PRDM11: variants seen among roughly 807,000 people sequenced by gnomAD.
The protein encoded by PRDM11 is PR domain-containing protein 11.
In PRDM11, 20 loss-of-function variants were observed where a neutral mutation model predicts 97.8. The observed-to-expected ratio is 0.20, with a 90% CI of 0.14 to 0.30. The LOEUF is 0.30. Among genes scored for constraint, PRDM11 ranks in the 10% least tolerant of loss-of-function variants. The probability of loss-of-function intolerance (pLI) is 1.00; values close to 1 mark genes in which losing one functional copy is unlikely to be tolerated. For missense variants in PRDM11, 1,139 were observed against 1,555.2 expected (o/e 0.73, Z 4.50); for synonymous variants, 599 against 637.7 (o/e 0.94, Z 0.91).
chr11:45,145,710 G>C (rs991967735), upstream of PRDM11, among the ~76,000 whole-genome samples: 6 of 152,178 alleles, frequency 3.9e-5, no homozygotes, highest in African/African-American at 1.2e-4. Context: ...AGGACGCCAC[G>C]AGAAAGGGGT....
rs149698951 is a variant in PRDM11, at chr11:45,163,386, A to G, written c.-7+16509A>G. Among the ~76,000 whole-genome samples, 74 of 152,270 alleles carry G rather than the reference A, an allele frequency of 4.9e-4. No individual in the cohort carries two copies. In the East Asian group the frequency reaches 0.013, roughly 28 times the overall value. ...CTTGGACAAGGTCCCACAGGCATGG[A>G]GCGGGATTCCAGTGTGCCTCACCTA... On this transcript the variant is annotated intron_variant, in intron 1 of 7. Coordinates refer to ENST00000683152, the MANE Select transcript of PRDM11 (RefSeq NM_001384648.1).
intron 5 of PRDM11, chr11:45,213,618 G>C (rs111684874): frequency 2.2e-6 from 1 of 456,490 alleles, no homozygotes; most frequent in Non-Finnish European, 4.4e-6. Flanking sequence ...GGATGACGTC[G>C]GAGGAAGGAA....
At chr11:45,218,056 T>G (rs1854008280) in intron 5 of PRDM11, among the ~76,000 whole-genome samples, 1 of 152,222 alleles carries the variant, frequency 6.6e-6, no homozygotes, top group South Asian at 2.1e-4. Context: ...AACACCATTT[T>G]TCCATGTCAT....
chr11:45,181,760 G>A lies in PRDM11; in HGVS notation c.-6-1G>A. 3 of 1,612,218 alleles carry A rather than the reference G, an allele frequency of 1.9e-6. No homozygotes were observed. Among genetic ancestry groups the A allele is most frequent in the African/African-American group, 1.3e-5 (1 of 75,020 alleles). On this transcript the variant is annotated splice_acceptor_variant, in intron 1 of 7. Coordinates refer to ENST00000683152, the MANE Select transcript of PRDM11 (RefSeq NM_001384648.1). LOFTEE classifies it low-confidence loss of function (5UTR_SPLICE). ...TGCTGGTCCCACCTCCTGCGTCCCA[G>A]GACAGAATGACCGAGAACATGAAGG... is the stretch of plus-strand genomic sequence containing the variant.
intron 1 of PRDM11, among the ~76,000 whole-genome samples, chr11:45,108,786 C>T (rs1354809140): frequency 6.6e-6 from 1 of 152,236 alleles, no homozygotes; most frequent in Non-Finnish European, 1.5e-5. Context: ...CTTTCTCAGC[C>T]TGCCCCTGAA....
At chr11:45,154,470 C>T (rs373577280) in intron 1 of PRDM11, among the ~76,000 whole-genome samples, 17 of 152,292 alleles carry the variant, frequency 1.1e-4, no homozygotes, top group South Asian at 4.2e-4. Context: ...CAAACAGACC[C>T]GGAGCCTCCG....
At chr11:45,225,545 TG>T (rs1450565938) in intron 7 of PRDM11, among the ~76,000 whole-genome samples, 2 of 152,248 alleles carry the variant, frequency 1.3e-5, no homozygotes, top group Non-Finnish European at 2.9e-5. Flanking sequence ...AACTGCATTT[TG>T]ATCCTGAAAT....
At position 45,112,335 on chromosome 11, in the gene PRDM11, G is replaced by C. The variant is rs562525219; in HGVS notation, c.96+16434G>C. On this transcript the variant is annotated intron_variant, in intron 1 of 6. Transcript: ENST00000530656. ...TATATAACACATTTTCTTATCCACT[G>C]GTTGGTTGATGGGCACTTAGGTTGG... Among the ~76,000 whole-genome samples the C allele has an allele frequency of 3.3e-5, 5 of 152,308 alleles. No homozygotes were observed. The South Asian group carries it at 8.3e-4, about 25-fold the overall frequency.
intron 1 of PRDM11, among the ~76,000 whole-genome samples, chr11:45,164,920 A>C (rs774305193): frequency 6.6e-5 from 10 of 152,102 alleles, no homozygotes; most frequent in Admixed American, 3.9e-4. Flanking sequence ...AGGCTCAGAG[A>C]GGGAAAGGGA....
intron 1 of PRDM11, among the ~76,000 whole-genome samples, chr11:45,096,350 G>A (rs1043133016): frequency 4.6e-5 from 7 of 152,178 alleles, no homozygotes; most frequent in Non-Finnish European, 1.0e-4. Flanking sequence ...GCACCGTGCT[G>A]GATGCTTTAG....
chr11:45,225,003 T>C, intron 7 of PRDM11, 160 bp downstream of exon 7: 1 of 1,486,232 alleles, frequency 6.7e-7, no homozygotes, highest in Non-Finnish European at 8.9e-7. Flanking sequence ...GTCCTCAGTG[T>C]CTCTGGCAGA....
intron 4 of PRDM11, among the ~76,000 whole-genome samples, chr11:45,204,068 C>T (rs527361193): frequency 5.9e-5 from 9 of 152,242 alleles, no homozygotes; most frequent in Non-Finnish European, 1.0e-4. Flanking sequence ...ATTAGACTGA[C>T]AGCTGTTGCT....
rs1854444259 is a variant in PRDM11 at position 45,233,657 on chromosome 11, C to A, written c.*5498C>A. 6.6e-6 allele frequency: 1 copy of A among 152,450 alleles called. No homozygotes were observed. Among genetic ancestry groups the A allele is most frequent in the Non-Finnish European group, 1.5e-5 (1 of 68,124 alleles). The allele number at this position is 152,450 out of a possible 1,614,324, so 9.4% of individuals were successfully genotyped here. A position where few individuals can be genotyped will look rare whatever the true frequency, so the allele number is the denominator to read the frequency against. ...AGAGGCCAAGCCCCTGAAGTGCAGC[C>A]GTCCTGGCCTCCCTCACTTGCTCAA... On this transcript the variant is annotated 3_prime_UTR_variant, in exon 8 of 8. Transcript: ENST00000683152.
At chr11:45,157,949 G>C (rs770558475) in intron 1 of PRDM11, among the ~76,000 whole-genome samples, 2 of 152,196 alleles carry the variant, frequency 1.3e-5, no homozygotes. Flanking sequence ...CTGGGTACCT[G>C]GTCTCTGATG....
intron 1 of PRDM11, among the ~76,000 whole-genome samples, chr11:45,172,839 C>G (rs540363076): frequency 1.6e-4 from 25 of 152,256 alleles, no homozygotes; most frequent in African/African-American, 6.0e-4. Flanking sequence ...GTCCTGGAAC[C>G]AATTCCCCTC....
At chr11:45,212,796 A>G (rs1206964729) in intron 5 of PRDM11, 2 of 456,038 alleles carry the variant, frequency 4.4e-6, no homozygotes, top group African/African-American at 4.0e-5. Context: ...GACATGGCCA[A>G]CAGCATGCAC....
chr11:45,228,863 C>G lies in PRDM11; in HGVS notation c.*704C>G, dbSNP rs1161121750. 6.6e-6 allele frequency: 1 copy of G among 152,104 alleles called. No homozygotes were observed. The highest frequency in any genetic ancestry group is 2.4e-5 in the African/African-American group (1 of 41,268). The allele number at this position is 152,104 out of a possible 1,614,324, so 9.4% of individuals were successfully genotyped here. On this transcript the variant is annotated 3_prime_UTR_variant, in exon 8 of 8. Transcript: ENST00000683152. ...ACCTCACCTCTGTTGCCTCGTCCAT[C>G]CCTGGGTTGTGGATCCCTTCCTTCC...
intron 1 of PRDM11, among the ~76,000 whole-genome samples, chr11:45,153,945 C>T (rs1851725760): frequency 6.6e-6 from 1 of 152,210 alleles, no homozygotes; most frequent in African/African-American, 2.4e-5. Flanking sequence ...GAAGATCACA[C>T]AGCTATCATC....
chr11:45,225,223 G>T, intron 7 of PRDM11: 1 of 936,688 alleles, frequency 1.1e-6, no homozygotes, highest in African/African-American at 1.7e-5. Context: ...AGATCTCTTG[G>T]CTTCCCTAAC....
Sources: gnomAD v4.1 joint callset for allele counts (sites outside exome capture counted in the v4.1 genomes callset) on GRCh38, gnomAD v4.1.1 for gene constraint, MANE v1.5 for transcripts, NCBI Gene and HGNC (gene_info 2026-07-23, HGNC 2026-07-21) for gene names.